The following OTULIN variants were observed in gnomAD, a reference collection of about 807,000 sequenced individuals.
OTULIN encodes ubiquitin thioesterase otulin.
In OTULIN, 15 loss-of-function variants were observed where a neutral mutation model predicts 39.6. That is an observed-to-expected ratio of 0.38 (90% CI 0.25 to 0.58). OTULIN has a LOEUF of 0.58. Among genes scored for constraint, OTULIN ranks in the 20% least tolerant of loss-of-function variants. The pLI is 0.66. For synonymous variants in OTULIN, 156 were observed against 170.3 expected, an observed-to-expected ratio of 0.92 and a Z score of 0.65; for missense variants, 319 against 445.9, an observed-to-expected ratio of 0.72 and a Z score of 2.56.
At chr5:14,688,784 C>G (rs537604810) in intron 5 of OTULIN, among the ~76,000 whole-genome samples, 1 of 152,264 alleles carries the variant, frequency 6.6e-6, no homozygotes, top group African/African-American at 2.4e-5. Flanking sequence ...GACGGCAGGG[C>G]TGTAGCCCTG....
intron 4 of OTULIN, among the ~76,000 whole-genome samples, chr5:14,684,386 G>A (rs1736333407): frequency 6.6e-6 from 1 of 152,210 alleles, no homozygotes; most frequent in Admixed American, 6.5e-5. Context: ...GTGGTATCAC[G>A]TCTGAGACAT....
At position 14,690,770 on chromosome 5, in the gene OTULIN, G is replaced by A. The variant is rs1736505815; in HGVS notation, c.864+462G>A. Among the ~76,000 whole-genome samples, 2 of 152,070 alleles carry A rather than the reference G, an allele frequency of 1.3e-5. No individual in the cohort carries two copies. Among genetic ancestry groups the A allele is most frequent in the African/African-American group, 4.8e-5 (2 of 41,328 alleles). ...GTTACTTGATGCATTCCACTCTCAA[G>A]AGGAGGGGAATTTGGCTCCACCTTT... On this transcript the variant is annotated intron_variant, in intron 6 of 6. Coordinates refer to ENST00000284274, the MANE Select transcript of OTULIN (RefSeq NM_138348.6). This position sits in a 1 kb window ranked among gnomAD's most constrained non-coding sequence, Gnocchi z 4.5.
At position 14,693,170 on chromosome 5, in the gene OTULIN, A is replaced by G; in HGVS notation, c.*122A>G. The G allele has an allele frequency of 2.2e-6, 2 of 902,252 alleles. No individual in the cohort carries two copies. Among genetic ancestry groups the G allele is most frequent in the Non-Finnish European group, 3.3e-6 (2 of 609,262 alleles). The allele number at this position is 902,252 out of a possible 1,614,324, so 55.9% of individuals were successfully genotyped here. ...TGAGAAGAACCCTTGGGCCCCTGGG[A>G]GCCAAGTTGGACAGGATGTCCTGAA... On this transcript the variant is annotated 3_prime_UTR_variant, in exon 7 of 7. Coordinates refer to ENST00000284274, the MANE Select transcript of OTULIN (RefSeq NM_138348.6).
At chr5:14,687,451 A>G in intron 4 of OTULIN, 70 bp from the exon 5 acceptor site, 1 of 1,538,996 alleles carries the variant, frequency 6.5e-7, no homozygotes, top group Non-Finnish European at 8.8e-7. Context: ...GGTTTCTTAC[A>G]GCTTGGATTG....
At chr5:14,681,792 C>T (rs1264365353) in intron 4 of OTULIN, among the ~76,000 whole-genome samples, 185 bp downstream of exon 4, 1 of 152,012 alleles carries the variant, frequency 6.6e-6, no homozygotes, top group East Asian at 1.9e-4. Flanking sequence ...TTGGTGTTTC[C>T]TAGAAGAGAA....
chr5:14,679,510 C>A (rs1483265133), intron 3 of OTULIN, among the ~76,000 whole-genome samples: 2 of 152,142 alleles, frequency 1.3e-5, no homozygotes, highest in East Asian at 3.8e-4. Flanking sequence ...CTGGGTTTAT[C>A]TTTTGCTCAT....
downstream of OTULIN, among the ~76,000 whole-genome samples, chr5:14,702,883 C>G: frequency 6.6e-6 from 1 of 152,166 alleles, no homozygotes; most frequent in Non-Finnish European, 1.5e-5. Context: ...CATAAAAGCT[C>G]TAGTCATTTT....
chr5:14,709,774 C>T, the OTULIN span: 2 of 152,510 alleles, frequency 1.3e-5, no homozygotes, highest in Non-Finnish European at 2.9e-5. Flanking sequence ...TGATACAATA[C>T]GTTTCAACTG....
chr5:14,678,652 GCT>G, intron 2 of OTULIN, 27 bp from the exon 3 acceptor site: 1 of 1,242,400 alleles, frequency 8.0e-7, no homozygotes, highest in Non-Finnish European at 1.1e-6. Context: ...TTTATTATTT[GCT>G]TTTTTTTTTT....
Position 14,694,494 on chromosome 5 carries a change from T to G in OTULIN, c.*1446T>G, listed in dbSNP as rs1034556926. The G allele has an allele frequency of 6.6e-6, 1 of 152,262 alleles. No homozygotes were observed. Among genetic ancestry groups the G allele is most frequent in the Non-Finnish European group, 1.5e-5 (1 of 68,046 alleles). The allele number at this position is 152,262 out of a possible 1,614,324, so 9.4% of individuals were successfully genotyped here. On this transcript the variant is annotated 3_prime_UTR_variant, in exon 7 of 7. Transcript: ENST00000284274. Reference sequence around the variant, plus strand: ...TGAAGTACTGAGCTTTGTTTTATAATAATTAAAATCCTTATTTGGTCCAAT... The same window carrying G: ...TGAAGTACTGAGCTTTGTTTTATAAGAATTAAAATCCTTATTTGGTCCAAT...
the OTULIN span, chr5:14,706,105 G>A: frequency 6.6e-6 from 1 of 152,176 alleles, no homozygotes; most frequent in African/African-American, 2.4e-5. Context: ...GAGAAAGGGT[G>A]CCTAGTTCTT....
At chr5:14,673,747 G>A in intron 2 of OTULIN, 29 bp downstream of exon 2, 1 of 1,583,440 alleles carries the variant, frequency 6.3e-7, no homozygotes, top group African/African-American at 1.4e-5. Context: ...TATTTATAGA[G>A]TTCTTATTGT....
chr5:14,708,084 T>G, the OTULIN span: 1 of 152,338 alleles, frequency 6.6e-6, no homozygotes, highest in African/African-American at 2.4e-5. Flanking sequence ...TCTAGTTCTT[T>G]TTGCTCAGTT....
chr5:14,664,853 G>T lies in OTULIN; in HGVS notation c.28G>T (p.Glu10Ter). The T allele has an allele frequency of 8.2e-7, 1 of 1,212,896 alleles. No homozygotes were observed. Among genetic ancestry groups the T allele is most frequent in the South Asian group, 3.9e-5 (1 of 25,490 alleles). 75.1% of individuals were successfully genotyped at this position (1,212,896 alleles called of 1,614,324 possible). A position where few individuals can be genotyped will look rare whatever the true frequency, so the allele number is the denominator to read the frequency against. The change falls in exon 1 of 7, where the codon GAA (glutamate) becomes TAA (stop). Residue 10 changes from glutamate (E) to a stop codon, truncating the protein, a stop_gained. Transcript: ENST00000284274. LOFTEE classifies it high-confidence loss of function. MSRGTMPQPEAWPGASCAET... is the reference protein window; with the variant it reads MSRGTMPQP ...GAGTCGGGGGACTATGCCCCAGCCCGAAGCGTGGCCAGGCGCGAGCTGCGC... is the reference window on the plus strand; with the variant it reads ...GAGTCGGGGGACTATGCCCCAGCCCTAAGCGTGGCCAGGCGCGAGCTGCGC...
intron 3 of OTULIN, among the ~76,000 whole-genome samples, chr5:14,679,956 A>G (rs1009420446): frequency 3.3e-5 from 5 of 152,216 alleles, no homozygotes; most frequent in African/African-American, 9.6e-5. Flanking sequence ...ATCAGGACCC[A>G]TGGCAGTAAT....
At chr5:14,713,218 C>T in the OTULIN span, among the ~76,000 whole-genome samples, 20 of 152,274 alleles carry the variant, frequency 1.3e-4, no homozygotes, top group East Asian at 2.9e-3. This position sits in a 1 kb window ranked among gnomAD's most constrained non-coding sequence, Gnocchi z 4.4. Flanking sequence ...CTCCCCAGGA[C>T]GCTGGGAGCT....
chr5:14,714,198 G>A, the OTULIN span, among the ~76,000 whole-genome samples: 3 of 152,312 alleles, frequency 2.0e-5, no homozygotes, highest in African/African-American at 4.8e-5. Context: ...CACTTCCACC[G>A]AGGTCACTTC....
the OTULIN span, chr5:14,710,448 G>A: frequency 6.6e-6 from 1 of 152,560 alleles, no homozygotes; most frequent in African/African-American, 2.4e-5. Flanking sequence ...ACACGGTGGG[G>A]GTGAGAACTG....
intron 1 of OTULIN, among the ~76,000 whole-genome samples, chr5:14,671,991 A>C (rs1180703688): frequency 1.3e-5 from 2 of 152,172 alleles, no homozygotes; most frequent in East Asian, 3.9e-4. Context: ...AGTTATACAT[A>C]CAGCTAATAA....
Sources: gnomAD v4.1 joint callset for allele counts (sites outside exome capture counted in the v4.1 genomes callset) on GRCh38, gnomAD v4.1.1 for gene constraint, Gnocchi (gnomAD v3.1) non-coding constraint, MANE v1.5 for transcripts, NCBI Gene and HGNC (gene_info 2026-07-23, HGNC 2026-07-21) for gene names.